Variants in XPOT observed in about 807,000 individuals in gnomAD.
The protein encoded by XPOT is exportin for tRNA.
In XPOT, 34 loss-of-function variants were observed where a neutral mutation model predicts 128.2. That is an observed-to-expected ratio of 0.27 (90% CI 0.20 to 0.35). The LOEUF (loss-of-function observed/expected upper bound fraction) is 0.35, where lower values mean the gene tolerates loss of function less well. XPOT is among the 10% of genes least tolerant of loss of function. The probability of loss-of-function intolerance (pLI) is 1.00; values close to 1 mark genes in which losing one functional copy is unlikely to be tolerated. For synonymous variants in XPOT, 348 were observed against 394.3 expected, an observed-to-expected ratio of 0.88 and a Z score of 1.39; for missense variants, 838 against 1,125.3, an observed-to-expected ratio of 0.74 and a Z score of 3.65.
intron 16 of XPOT, among the ~76,000 whole-genome samples, chr12:64,428,907 G>A (rs1014157485): frequency 2.6e-5 from 4 of 152,162 alleles, no homozygotes; most frequent in African/African-American, 9.7e-5. Flanking sequence ...TCATAAATCA[G>A]AAAGCAAAAT....
chr12:64,426,642 G>A (rs971991667), intron 15 of XPOT, among the ~76,000 whole-genome samples: 9 of 152,148 alleles, frequency 5.9e-5, no homozygotes, highest in Non-Finnish European at 1.0e-4. Flanking sequence ...TCAGCATCCC[G>A]TGATATACCC....
rs948018554 is a variant in XPOT, at chr12:64,419,020, G to C, written c.415G>C (p.Val139Leu). The change falls in exon 6 of 25, where the codon GTA becomes CTA. Residue 139 changes from valine (V) to leucine (L), a missense_variant. Val to Leu is a conservative substitution (Grantham distance 32). This residue lies in a region of XPOT where 761 missense variants were observed against 988.3 expected (regional missense o/e 0.77). Transcript: ENST00000332707. ...AGTAGTGGACCTAAATCCAAGGGGA[G>C]TAGATCTCTACCTGCGAATCCTCAT... ...LSVVDLNPRG[V>L]DLYLRILMAI... 6.2e-7 allele frequency: 1 copy of C among 1,613,996 alleles called. No homozygotes were observed. The highest frequency in any genetic ancestry group is 8.5e-7 in the Non-Finnish European group (1 of 1,180,044).
At chr12:64,421,496 G>C (rs776797884) in intron 9 of XPOT, 25 bp downstream of exon 9, 1 of 1,502,722 alleles carries the variant, frequency 6.7e-7, no homozygotes, top group Non-Finnish European at 9.3e-7. Flanking sequence ...TATTCTTTTT[G>C]CTCAATACAT....
intron 21 of XPOT, among the ~76,000 whole-genome samples, chr12:64,435,212 C>G (rs992468307): frequency 4.6e-5 from 7 of 152,158 alleles, no homozygotes; most frequent in African/African-American, 7.2e-5. Flanking sequence ...TAGTTTCCTA[C>G]TACTACTTTA....
chr12:64,410,842 AT>A (rs11348227), intron 2 of XPOT, among the ~76,000 whole-genome samples: 151,510 of 152,238 alleles, frequency 1, 75,399 homozygotes, highest in East Asian at 1. Context: ...CCTATAATTA[AT>A]TTTTTTTAAA....
intron 2 of XPOT, among the ~76,000 whole-genome samples, chr12:64,414,411 G>T (rs550387372): frequency 6.6e-6 from 1 of 152,242 alleles, no homozygotes; most frequent in South Asian, 2.1e-4. Context: ...TTAAAGACTT[G>T]AAATACTCTC....
intron 22 of XPOT, among the ~76,000 whole-genome samples, chr12:64,438,600 GA>G (rs1770765238): frequency 6.6e-6 from 1 of 151,864 alleles, no homozygotes; most frequent in Admixed American, 6.6e-5. Flanking sequence ...GTAGTGCAAG[GA>G]AGAGTACATC....
In XPOT at chr12:64,446,390, G is replaced by C. The variant is rs560903299; in HGVS notation, c.2862+1259G>C. Among the ~76,000 whole-genome samples, 18 of 152,260 alleles carry C rather than the reference G, an allele frequency of 1.2e-4. 1 individual carries two copies. The highest frequency in any genetic ancestry group is 2.5e-4 in the Non-Finnish European group (17 of 68,028). On this transcript the variant is annotated intron_variant, in intron 24 of 24. Transcript: ENST00000332707. ...GTTGGAAAAAATGAATTTCATTCGT[G>C]TTCACTCCTCCCTTCACATCTGATT...
chr12:64,414,963 A>G lies in XPOT; in HGVS notation c.117A>G (p.Ala39=), dbSNP rs144596187. Residue 39 remains alanine (A), a synonymous_variant, in exon 3 of 25, where the codon GCA becomes GCG. Transcript: ENST00000332707. ...KISPDAWQVC[A]EALAQRTYSD... ...CCCCAGATGCCTGGCAGGTGTGTGC[A>G]GAAGCTCTAGCCCAGAGGACATACA... 6.1e-5 allele frequency: 98 copies of G among 1,613,448 alleles called. No individual in the cohort carries two copies. The African/African-American group carries it at 1.1e-3, about 18-fold the overall frequency.
intron 17 of XPOT, among the ~76,000 whole-genome samples, chr12:64,430,628 T>C (rs774903116): frequency 1.7e-4 from 26 of 152,234 alleles, no homozygotes; most frequent in Non-Finnish European, 3.2e-4. Flanking sequence ...GAGAAGAGCG[T>C]GAGGTTTCTC....
Position 64,425,028 on chromosome 12 carries a change from A to G in XPOT, c.1308-10A>G, listed in dbSNP as rs755064794. 1.2e-6 allele frequency: 2 copies of G among 1,612,210 alleles called. No individual in the cohort carries two copies. Among genetic ancestry groups the G allele is most frequent in the Non-Finnish European group, 1.7e-6 (2 of 1,179,948 alleles). ...TCTTTAAATCTCACTGACATATTAT[A>G]CCTTGGTAGGAATTGGCAGACTACA... On this transcript the variant is annotated splice_polypyrimidine_tract_variant and intron_variant, in intron 12 of 24. Transcript: ENST00000332707.
At chr12:64,438,523 C>T (rs1267756917) in intron 22 of XPOT, among the ~76,000 whole-genome samples, 1 of 151,964 alleles carries the variant, frequency 6.6e-6, no homozygotes, top group African/African-American at 2.4e-5. Flanking sequence ...GACTTAGATC[C>T]AAGGTGAAGG....
At chr12:64,418,682 C>G (rs2040109896) in intron 5 of XPOT, among the ~76,000 whole-genome samples, 194 bp from the exon 6 acceptor site, 1 of 152,052 alleles carries the variant, frequency 6.6e-6, no homozygotes, top group Non-Finnish European at 1.5e-5. Context: ...TGTTCTTCAT[C>G]TGGTCAATCA....
chr12:64,418,007 A>G (rs1228727934), intron 4 of XPOT, 39 bp from the exon 5 acceptor site: 2 of 1,536,548 alleles, frequency 1.3e-6, no homozygotes, highest in Non-Finnish European at 1.8e-6. Context: ...ATAGACACCA[A>G]ATATAGCCAT....
chr12:64,413,459 G>A (rs746966341), intron 2 of XPOT, among the ~76,000 whole-genome samples: 7 of 152,158 alleles, frequency 4.6e-5, no homozygotes, highest in Admixed American at 1.3e-4. Flanking sequence ...CGGTCCTGTC[G>A]CTCAGGAAAT....
At position 64,425,375 on chromosome 12, in the gene XPOT, C is replaced by G. The variant is rs142927258; in HGVS notation, c.1490C>G (p.Ser497Cys). ...GGAGTCAGTTCCTATCAGCATACAT[C>G]TGTGACATTGGAGTTCTTCGAAACT... ...TSGVSSYQHTSVTLEFFETVV... is the reference protein window; with the variant it reads ...TSGVSSYQHTCVTLEFFETVV... Residue 497 changes from serine to cysteine, a missense_variant, in exon 14 of 25, where the codon TCT becomes TGT. By Grantham distance (112) the Ser-to-Cys change is moderately radical (BLOSUM62 -1). Around this residue, in one of 3 missense-constraint regions of XPOT, gnomAD observed 761 missense variants for 988.3 expected, o/e 0.77. Coordinates refer to ENST00000332707, the MANE Select transcript of XPOT (RefSeq NM_007235.6). The G allele has an allele frequency of 3.2e-5, 52 of 1,613,368 alleles. No homozygotes were observed. The Middle Eastern group carries it at 5.3e-4, about 17-fold the overall frequency.
intron 2 of XPOT, among the ~76,000 whole-genome samples, chr12:64,411,395 T>G (rs1040009885): frequency 3.3e-5 from 5 of 152,208 alleles, no homozygotes; most frequent in Non-Finnish European, 5.9e-5. Context: ...TTTCATTTCT[T>G]AAGTTCCAGC....
chr12:64,442,760 C>G (rs930750154), intron 23 of XPOT: 1 of 153,394 alleles, frequency 6.5e-6, no homozygotes, highest in Non-Finnish European at 1.5e-5. Context: ...CCACCAGGAC[C>G]TGCTCTTCAT....
At chr12:64,433,392 A>C (rs1023547017) in intron 18 of XPOT, 22 bp from the exon 19 acceptor site, 5 of 1,507,226 alleles carry the variant, frequency 3.3e-6, no homozygotes, top group Non-Finnish European at 3.6e-6. Flanking sequence ...TAATTTCTGA[A>C]GTAATGATTG....
Sources: gnomAD v4.1 joint callset for allele counts (sites outside exome capture counted in the v4.1 genomes callset) on GRCh38, gnomAD v4.1.1 for gene constraint, gnomAD v4.1.1 regional missense constraint, MANE v1.5 for transcripts, NCBI Gene and HGNC (gene_info 2026-07-23, HGNC 2026-07-21) for gene names.